ERBB4: variants seen among roughly 807,000 people sequenced by gnomAD.
ERBB4 encodes the protein erb-b2 receptor tyrosine kinase 4.
A neutral mutation model predicts 158.0 loss-of-function variants in ERBB4; 42 were observed. That is an observed-to-expected ratio of 0.27 (90% confidence interval 0.21 to 0.34). ERBB4 has a LOEUF of 0.34. Among genes scored for constraint, ERBB4 ranks in the 10% least tolerant of loss-of-function variants. ERBB4 has a pLI of 1.00. For missense variants in ERBB4, 1,333 were observed against 1,624.1 expected (o/e 0.82, Z 3.08); for synonymous variants, 583 against 558.7 (o/e 1.04, Z -0.61).
chr2:212,501,022 A>G (rs1489252310), intron 1 of ERBB4, among the ~76,000 whole-genome samples: 1 of 152,182 alleles, frequency 6.6e-6, no homozygotes, highest in African/African-American at 2.4e-5. Context: ...AACAATAGAC[A>G]TTATCGAAGG....
intron 15 of ERBB4, among the ~76,000 whole-genome samples, chr2:211,662,796 T>G (rs1390287085): frequency 6.6e-6 from 1 of 152,218 alleles, no homozygotes; most frequent in Non-Finnish European, 1.5e-5. Flanking sequence ...AACTTTATTT[T>G]CAGAAAAATC....
chr2:211,481,525 C>CT (rs397974472), intron 20 of ERBB4, among the ~76,000 whole-genome samples: 3,623 of 139,280 alleles, frequency 0.026, 146 homozygotes, highest in African/African-American at 0.085. Flanking sequence ...GGCTGGAAAT[C>CT]TTTTTTTTTT....
chr2:211,430,954 A>G lies in ERBB4; in HGVS notation c.2634T>C (p.Asp878=). ...TCAAAAAGATACCCACCTTTCCTCC[A>G]TCAGCATTGTACTCTTTTTCATCTC... ...LEGDEKEYNA[D]GGKMPIKWMA... The change falls in exon 21 of 28, where the codon GAT becomes GAC. Residue 878 remains aspartate (D), a synonymous_variant. Transcript: ENST00000342788. The G allele has an allele frequency of 6.2e-7, 1 of 1,613,510 alleles. No individual in the cohort carries two copies. Among genetic ancestry groups the G allele is most frequent in the Non-Finnish European group, 8.5e-7 (1 of 1,179,440 alleles).
intron 19 of ERBB4, among the ~76,000 whole-genome samples, chr2:211,564,489 C>T (rs894253658): frequency 1.3e-5 from 2 of 152,098 alleles, no homozygotes; most frequent in African/African-American, 4.8e-5. Flanking sequence ...AAAATATGGA[C>T]GATTTCTTCC....
intron 3 of ERBB4, among the ~76,000 whole-genome samples, chr2:211,877,453 A>G (rs1052627407): frequency 1.3e-5 from 2 of 152,202 alleles, no homozygotes; most frequent in African/African-American, 4.8e-5. Flanking sequence ...GATTTACTTT[A>G]TATAAACACT....
chr2:211,667,884 C>T (rs989223156), intron 14 of ERBB4, among the ~76,000 whole-genome samples: 1 of 151,874 alleles, frequency 6.6e-6, no homozygotes, highest in African/African-American at 2.4e-5. Flanking sequence ...ACTTTTTGTT[C>T]TTTGTTTTTT....
At chr2:212,343,371 T>C (rs1221571707) in intron 1 of ERBB4, among the ~76,000 whole-genome samples, 1 of 152,184 alleles carries the variant, frequency 6.6e-6, no homozygotes, top group East Asian at 1.9e-4. Flanking sequence ...GTCCAGAGTA[T>C]TCAGGTGAAA....
intron 19 of ERBB4, among the ~76,000 whole-genome samples, chr2:211,618,957 G>T (rs944187051): frequency 6.6e-6 from 1 of 152,082 alleles, no homozygotes; most frequent in African/African-American, 2.4e-5. Flanking sequence ...CTAAAGGCAA[G>T]TTCTAGTGAC....
chr2:211,822,911 G>A (rs1351089762), intron 3 of ERBB4, among the ~76,000 whole-genome samples: 1 of 151,962 alleles, frequency 6.6e-6, no homozygotes, highest in Non-Finnish European at 1.5e-5. Context: ...AAATGAGAAT[G>A]TGCCATTTCT....
At chr2:211,540,419 T>C (rs531117334) in intron 20 of ERBB4, among the ~76,000 whole-genome samples, 3 of 152,006 alleles carry the variant, frequency 2.0e-5, no homozygotes, top group East Asian at 3.9e-4. Flanking sequence ...TTAAGTTCCA[T>C]GAAAGCATCC....
chr2:211,432,483 C>T (rs371236161), intron 20 of ERBB4, among the ~76,000 whole-genome samples: 5 of 151,988 alleles, frequency 3.3e-5, no homozygotes, highest in South Asian at 2.1e-4. Flanking sequence ...AACTTACAAC[C>T]GAGATTTATG....
intron 1 of ERBB4, among the ~76,000 whole-genome samples, chr2:212,176,832 G>A (rs1456619814): frequency 6.6e-6 from 1 of 151,844 alleles, no homozygotes; most frequent in Non-Finnish European, 1.5e-5. Flanking sequence ...CAGGCTCCAT[G>A]GAAGTAAGAA....
chr2:211,892,462 G>C (rs566668322), intron 3 of ERBB4, among the ~76,000 whole-genome samples: 2 of 126,064 alleles, frequency 1.6e-5, no homozygotes, highest in African/African-American at 3.4e-5. Context: ...TACTGAATGG[G>C]CAAAAACTGG....
intron 2 of ERBB4, among the ~76,000 whole-genome samples, chr2:212,052,280 GC>G (rs1242973795): frequency 6.6e-6 from 1 of 152,150 alleles, no homozygotes; most frequent in Admixed American, 6.5e-5. Context: ...CCAGTGGTTT[GC>G]CAGGGGGGTC....
chr2:211,729,725 C>T (rs1377793637), intron 5 of ERBB4, among the ~76,000 whole-genome samples: 3 of 151,822 alleles, frequency 2.0e-5, no homozygotes, highest in Non-Finnish European at 4.4e-5. Flanking sequence ...TTCCTGAAAT[C>T]AATGAGATAA....
At chr2:212,537,418 C>T (rs1003862935) in intron 1 of ERBB4, among the ~76,000 whole-genome samples, 2 of 152,138 alleles carry the variant, frequency 1.3e-5, no homozygotes, top group Non-Finnish European at 1.5e-5. Context: ...AAACTTTGAG[C>T]TCCATTGCAC....
intron 2 of ERBB4, among the ~76,000 whole-genome samples, chr2:211,994,231 A>G (rs968755718): frequency 1.4e-4 from 22 of 152,074 alleles, no homozygotes; most frequent in Admixed American, 6.6e-5. Flanking sequence ...CCTGGGCTCA[A>G]GCAGTCCTCC....
At chr2:212,017,583 C>T (rs1272050087) in intron 2 of ERBB4, among the ~76,000 whole-genome samples, 2 of 152,110 alleles carry the variant, frequency 1.3e-5, no homozygotes, top group African/African-American at 4.8e-5. Flanking sequence ...AATGTTGTTG[C>T]ATATAAAAAT....
At chr2:212,153,491 T>G (rs2080936146) in intron 1 of ERBB4, among the ~76,000 whole-genome samples, 3 of 152,186 alleles carry the variant, frequency 2.0e-5, no homozygotes, top group Non-Finnish European at 4.4e-5. Context: ...TAATTGTGTC[T>G]AAGTAGGACA....
Sources: gnomAD v4.1 joint callset for allele counts (sites outside exome capture counted in the v4.1 genomes callset) on GRCh38, gnomAD v4.1.1 for gene constraint, MANE v1.5 for transcripts, NCBI Gene and HGNC (gene_info 2026-07-23, HGNC 2026-07-21) for gene names.